The following FBXO10 variants were observed in gnomAD, a reference collection of about 807,000 sequenced individuals.
FBXO10 encodes F-box protein 10.
A neutral mutation model predicts 80.7 loss-of-function variants in FBXO10; 39 were observed. The observed-to-expected ratio is 0.48, with a 90% CI of 0.37 to 0.63. FBXO10 has a LOEUF of 0.63. FBXO10 is among the 30% of genes least tolerant of loss of function. The pLI is 0.00. For synonymous variants in FBXO10, 449 were observed against 489.6 expected (o/e 0.92, Z 1.09); for missense variants, 1,025 against 1,269.0 (o/e 0.81, Z 2.92).
rs150515670 is a variant in FBXO10, at chr9:37,537,070, C to T, written c.1419+40G>A. On this transcript the variant is annotated intron_variant, in intron 3 of 10. Coordinates refer to ENST00000432825, the MANE Select transcript of FBXO10 (RefSeq NM_012166.3). ...CCCATCAAACCCTTCCTACATATAG[C>T]CACAGGAGCCCCCTGACCAATCTAA... is the stretch of plus-strand genomic sequence containing the variant. 2,007 of 1,493,938 alleles carry T rather than the reference C, an allele frequency of 1.3e-3. 26 individuals are homozygous for T. The African/African-American group carries it at 0.025, about 19-fold the overall frequency. The allele number at this position is 1,493,938 out of a possible 1,614,324, so 92.5% of individuals were successfully genotyped here.
intron 1 of FBXO10, among the ~76,000 whole-genome samples, chr9:37,563,778 A>G (rs1196272425): frequency 1.3e-5 from 2 of 152,224 alleles, no homozygotes; most frequent in African/African-American, 4.8e-5. Context: ...GCAGAGCATA[A>G]AAGTTTGGAA....
At position 37,537,614 on chromosome 9, in the gene FBXO10, G is replaced by A; in HGVS notation, c.915C>T (p.Ser305=). 1 of 1,613,984 alleles carries A rather than the reference G, an allele frequency of 6.2e-7. No individual in the cohort carries two copies. Residue 305 remains serine, a synonymous_variant, in exon 3 of 11, where the codon AGC becomes AGT. Coordinates refer to ENST00000432825, the MANE Select transcript of FBXO10 (RefSeq NM_012166.3). ...LDLESRDQAW[S]PKTCDIVIEG... ...CGATAACAATGTCACAGGTCTTTGG[G>A]CTCCAGGCCTGGTCCCGGCTCTCTA...
At chr9:37,527,053 G>C (rs1228654674) in intron 5 of FBXO10, among the ~76,000 whole-genome samples, 1 of 151,922 alleles carries the variant, frequency 6.6e-6, no homozygotes, top group African/African-American at 2.4e-5. Context: ...GTTTCACCGT[G>C]TTGGCCAGGC....
intron 8 of FBXO10, among the ~76,000 whole-genome samples, chr9:37,519,097 G>A (rs1821261504): frequency 6.6e-6 from 1 of 152,032 alleles, no homozygotes; most frequent in African/African-American, 2.4e-5. Flanking sequence ...TTTTAGTAGA[G>A]ACATGGTTTC....
At chr9:37,517,553 G>A (rs1588820797) in intron 9 of FBXO10, among the ~76,000 whole-genome samples, 1 of 152,272 alleles carries the variant, frequency 6.6e-6, no homozygotes. Context: ...CCTGTGGGGA[G>A]TGCTCTGTGA....
At chr9:37,550,989 TC>T (rs1822184915) in intron 1 of FBXO10, among the ~76,000 whole-genome samples, 2 of 152,182 alleles carry the variant, frequency 1.3e-5, no homozygotes, top group East Asian at 3.9e-4. Context: ...TGAGGCAAAT[TC>T]CCCTCCAGCT....
chr9:37,550,686 C>T (rs1695425026), intron 1 of FBXO10, among the ~76,000 whole-genome samples: 1 of 152,110 alleles, frequency 6.6e-6, no homozygotes, highest in Admixed American at 6.6e-5. Context: ...CCCATGTTGG[C>T]CAGGCTGGTC....
chr9:37,518,699 G>T (rs571337463), intron 8 of FBXO10, among the ~76,000 whole-genome samples: 1 of 152,164 alleles, frequency 6.6e-6, no homozygotes, highest in African/African-American at 2.4e-5. Context: ...ATGTGAGAAG[G>T]CTCCTCTGGC....
chr9:37,547,224 C>T (rs567714907), intron 1 of FBXO10, among the ~76,000 whole-genome samples: 1 of 152,310 alleles, frequency 6.6e-6, no homozygotes, highest in East Asian at 1.9e-4. Flanking sequence ...TGTATTTGTA[C>T]AATAGAGTAC....
Position 37,558,193 on chromosome 9 carries a change from T to C in FBXO10, c.-6-16419A>G, listed in dbSNP as rs564757394. Among the ~76,000 whole-genome samples, 19 of 152,344 alleles carry C rather than the reference T, an allele frequency of 1.2e-4. No homozygotes were observed. In the South Asian group the frequency reaches 2.7e-3, roughly 22 times the overall value. The stretch of plus-strand genomic sequence containing the variant: ...ACTCTGACAGGTGTTCAAGAGTGAA[T>C]CAGCTAACACTAAAGGAACCTAATC... On this transcript the variant is annotated intron_variant, in intron 1 of 10. Coordinates refer to ENST00000432825, the MANE Select transcript of FBXO10 (RefSeq NM_012166.3).
intron 1 of FBXO10, among the ~76,000 whole-genome samples, chr9:37,564,434 C>T (rs944356600): frequency 2.0e-5 from 3 of 152,130 alleles, no homozygotes; most frequent in Non-Finnish European, 2.9e-5. Context: ...CTCCAGACCC[C>T]ACAATGGCAG....
At chr9:37,530,506 C>A (rs929834863) in intron 4 of FBXO10, among the ~76,000 whole-genome samples, 9 of 152,222 alleles carry the variant, frequency 5.9e-5, no homozygotes, top group Admixed American at 4.6e-4. Context: ...ATCTCTCTAG[C>A]CAGAGGGGCA....
intron 1 of FBXO10, among the ~76,000 whole-genome samples, chr9:37,542,275 CTT>C (rs1392427118): frequency 6.6e-6 from 1 of 152,152 alleles, no homozygotes; most frequent in East Asian, 1.9e-4. Flanking sequence ...GGAAGACTCT[CTT>C]TTCTCTATGG....
intron 6 of FBXO10, among the ~76,000 whole-genome samples, chr9:37,523,622 GAAACA>G (rs1423229718): frequency 1.3e-5 from 2 of 152,098 alleles, no homozygotes; most frequent in Admixed American, 6.5e-5. Flanking sequence ...AAACAAAAAG[GAAACA>G]AAACAAAGAA....
intron 10 of FBXO10, among the ~76,000 whole-genome samples, chr9:37,514,046 C>T (rs1483965998): frequency 6.6e-6 from 1 of 152,172 alleles, no homozygotes; most frequent in Non-Finnish European, 1.5e-5. Flanking sequence ...GCTTGAGTTA[C>T]AAGGAACCAA....
intron 1 of FBXO10, among the ~76,000 whole-genome samples, chr9:37,569,024 G>C (rs1390771486): frequency 6.6e-6 from 1 of 152,070 alleles, no homozygotes; most frequent in South Asian, 2.1e-4. Context: ...TACATCAGTG[G>C]TGCTATTAAT....
chr9:37,513,876 C>T (rs190641980), intron 10 of FBXO10, among the ~76,000 whole-genome samples: 209 of 152,304 alleles, frequency 1.4e-3, no homozygotes, highest in African/African-American at 4.8e-3. Context: ...AGGCGTGAGC[C>T]ACCGCACCCG....
chr9:37,532,272 C>G (rs1450581695), intron 3 of FBXO10, among the ~76,000 whole-genome samples: 1 of 151,218 alleles, frequency 6.6e-6, no homozygotes, highest in Non-Finnish European at 1.5e-5. Flanking sequence ...CCTGCAGGCT[C>G]CTTAGCGGTC....
intron 1 of FBXO10, among the ~76,000 whole-genome samples, chr9:37,575,036 G>T (rs186586940): frequency 1.5e-4 from 23 of 152,226 alleles, no homozygotes; most frequent in Admixed American, 1.1e-3. Flanking sequence ...AAGTCCTGTC[G>T]TCCTTCTGGG....
Sources: allele counts gnomAD v4.1 joint callset (sites outside exome capture counted in the v4.1 genomes callset), GRCh38; gene constraint gnomAD v4.1.1; transcripts MANE v1.5; gene names NCBI Gene and HGNC (gene_info 2026-07-23, HGNC 2026-07-21).